Variants in SH2D3C observed in about 807,000 individuals in gnomAD.
The protein encoded by SH2D3C is SH2 domain-containing protein 3C.
SH2D3C carries 25 observed loss-of-function variants against 75.2 expected under a neutral mutation model. That is an observed-to-expected ratio of 0.33 (90% CI 0.24 to 0.46). SH2D3C has a LOEUF of 0.46. Among genes scored for constraint, SH2D3C ranks in the 20% least tolerant of loss-of-function variants. The probability of loss-of-function intolerance (pLI) is 1.00; values close to 1 mark genes in which losing one functional copy is unlikely to be tolerated. For missense variants in SH2D3C, 933 were observed against 1,165.3 expected (o/e 0.80, Z 2.90); for synonymous variants, 450 against 473.7 (o/e 0.95, Z 0.65).
chr9:127,758,371 A>G (rs1284200130), intron 3 of SH2D3C, among the ~76,000 whole-genome samples: 1 of 147,556 alleles, frequency 6.8e-6, no homozygotes, highest in African/African-American at 2.7e-5. Flanking sequence ...TTTATTTTAC[A>G]ATGTTAAAAA....
Position 127,749,500 on chromosome 9 carries a change from G to C in SH2D3C, c.850C>G (p.Leu284Val). The C allele has an allele frequency of 6.2e-7, 1 of 1,614,214 alleles. No individual in the cohort carries two copies. Among genetic ancestry groups the C allele is most frequent in the South Asian group, 1.1e-5 (1 of 91,088 alleles). ...AGESYTHIQYLFEQESFDHVP... is the reference protein window; with the variant it reads ...AGESYTHIQYVFEQESFDHVP... ...TGGTCAAAGCTCTCCTGCTCAAACA[G>C]GTACTGGATGTGTGTGTAGCTCTCG... The change falls in exon 5 of 12, where the codon CTG (leucine) becomes GTG (valine). Residue 284 changes from leucine (L) to valine (V), a missense_variant. By Grantham distance (32) the Leu-to-Val change is conservative (BLOSUM62 1). Transcript: ENST00000314830. This position sits in a 1 kb window ranked among gnomAD's most constrained non-coding sequence, Gnocchi z 5.9.
chr9:127,746,022 G>A (rs1048668567), intron 6 of SH2D3C, among the ~76,000 whole-genome samples: 9 of 152,196 alleles, frequency 5.9e-5, no homozygotes, highest in African/African-American at 1.9e-4. Flanking sequence ...GTGAAGCTCA[G>A]AGAGGTGCAC....
Position 127,751,964 on chromosome 9 carries a change from C to T in SH2D3C, c.556-664G>A, listed in dbSNP as rs770153312. The stretch of plus-strand genomic sequence containing the variant: ...GGACCCCAAACAGACATCTGCATTG[C>T]CCCTTACAATTTCCAAGGCCATTTC... On this transcript the variant is annotated intron_variant, in intron 3 of 11. Coordinates refer to ENST00000314830, the MANE Select transcript of SH2D3C (RefSeq NM_170600.3). This position sits in a 1 kb window ranked among gnomAD's most constrained non-coding sequence, Gnocchi z 4.1. Among the ~76,000 whole-genome samples, 8 of 152,190 alleles carry T rather than the reference C, an allele frequency of 5.3e-5. No homozygotes were observed. The highest frequency in any genetic ancestry group is 2.0e-4 in the Admixed American group (3 of 15,280).
chr9:127,738,841 T>G lies in SH2D3C; in HGVS notation c.2488A>C (p.Ser830Arg). 1 of 1,603,712 alleles carries G rather than the reference T, an allele frequency of 6.2e-7. No homozygotes were observed. ...TCATAGCGCCGGGCCTGGCTGCTGC[T>G]GGCACCCTGACTGCCCCAGAGAAGG... Reference protein sequence around the residue: ...MRLLWGSQGASSSQARRYEKF... With the variant: ...MRLLWGSQGARSSQARRYEKF... Residue 830 changes from serine (S) to arginine (R), a missense_variant, in exon 12 of 12, where the codon AGC (serine) becomes CGC (arginine). By Grantham distance (110) the Ser-to-Arg change is moderately radical. Transcript: ENST00000314830. The surrounding 1 kb of genome is among the most constrained non-coding windows in gnomAD (Gnocchi z 5.0).
chr9:127,761,334 C>T lies in SH2D3C; in HGVS notation c.555+277G>A, dbSNP rs545867894. On this transcript the variant is annotated intron_variant, in intron 3 of 11. Transcript: ENST00000314830. ...CCTTTACATGGAGACACTGTTGGGG[C>T]CCCGTCCAGCTGGCAAGTGAGTGGG... 4.8e-4 allele frequency among the ~76,000 whole-genome samples: 73 copies of T among 152,286 alleles called. No homozygotes were observed. The South Asian group carries it at 5.2e-3, about 11-fold the overall frequency.
chr9:127,774,046 C>G lies in SH2D3C; in HGVS notation c.459G>C (p.Glu153Asp). Reference protein sequence around the residue: ...AVEVDPIRKPEVPTGDVEEER... With the variant: ...AVEVDPIRKPDVPTGDVEEER... ...CCTCTTCTACGTCTCCTGTGGGGACCTCAGGCTTTCTGATGGGGTCTACCT... is the reference window on the plus strand; with the variant it reads ...CCTCTTCTACGTCTCCTGTGGGGACGTCAGGCTTTCTGATGGGGTCTACCT... The change falls in exon 2 of 12, where the codon GAG becomes GAC. Residue 153 changes from glutamate to aspartate, a missense_variant. Coordinates refer to ENST00000314830, the MANE Select transcript of SH2D3C (RefSeq NM_170600.3). The surrounding 1 kb of genome is among the most constrained non-coding windows in gnomAD (Gnocchi z 4.3). 1.2e-6 allele frequency: 2 copies of G among 1,614,192 alleles called. No homozygotes were observed. The highest frequency in any genetic ancestry group is 1.7e-6 in the Non-Finnish European group (2 of 1,180,022).
chr9:127,740,494 A>G lies in SH2D3C; in HGVS notation c.2089-125T>C, dbSNP rs548295055. 3 of 636,196 alleles carry G rather than the reference A, an allele frequency of 4.7e-6. No homozygotes were observed. The Admixed American group carries it at 8.0e-5, about 17-fold the overall frequency. 39.4% of individuals were successfully genotyped at this position (636,196 alleles called of 1,614,324 possible). A position where few individuals can be genotyped will look rare whatever the true frequency, so the allele number is the denominator to read the frequency against. On this transcript the variant is annotated intron_variant, in intron 9 of 11. Transcript: ENST00000314830. ...TTATTATGGCCATCCTTCATGTACC[A>G]GGGACAGTGATGACTACTTTTCATG...
Position 127,739,848 on chromosome 9 carries a change from C to T in SH2D3C, c.2241G>A (p.Leu747=). Residue 747 remains leucine (L), a synonymous_variant, in exon 11 of 12, where the codon CTG becomes CTA. Transcript: ENST00000314830. This position sits in a 1 kb window ranked among gnomAD's most constrained non-coding sequence, Gnocchi z 4.3. ...CACACTCCAGCAGGGTGATGAGGGG[C>T]AGCACATGAGGAAACGTGGTGTTGC... The part of the protein sequence containing the change: ...PLSNTTFPHV[L]PLITLLECDS... The T allele has an allele frequency of 6.4e-7, 1 of 1,569,024 alleles. No individual in the cohort carries two copies. Among genetic ancestry groups the T allele is most frequent in the Non-Finnish European group, 8.7e-7 (1 of 1,155,204 alleles).
intron 4 of SH2D3C, among the ~76,000 whole-genome samples, chr9:127,750,158 G>GTTATTA (rs563771370): frequency 0.012 from 1,815 of 148,702 alleles, 22 homozygotes; most frequent in East Asian, 0.052. Context: ...TATTATTATT[G>GTTATTA]TTATTATTAT....
At chr9:127,742,671 G>A in intron 8 of SH2D3C, 178 bp downstream of exon 8, 1 of 552,962 alleles carries the variant, frequency 1.8e-6, no homozygotes, top group East Asian at 3.0e-5. Context: ...CAGTCTTTGG[G>A]AAATCAGCCT....
Position 127,745,118 on chromosome 9 carries a change from A to G in SH2D3C, c.1265-19T>C. 1 of 1,479,322 alleles carries G rather than the reference A, an allele frequency of 6.8e-7. No individual in the cohort carries two copies. Among genetic ancestry groups the G allele is most frequent in the Non-Finnish European group, 8.9e-7 (1 of 1,118,834 alleles). The allele number at this position is 1,479,322 out of a possible 1,614,324, so 91.6% of individuals were successfully genotyped here. ...CGGGTTACTGCAGAAAGGTAGAGAG[A>G]GAGGCCCCGTTATAGCAGCTCCCCA... On this transcript the variant is annotated intron_variant, in intron 6 of 11. Transcript: ENST00000314830.
At chr9:127,773,153 T>G (rs1172835630) in intron 2 of SH2D3C, among the ~76,000 whole-genome samples, 1 of 152,194 alleles carries the variant, frequency 6.6e-6, no homozygotes, top group Non-Finnish European at 1.5e-5. Context: ...AGATACTTGT[T>G]TTGATACCCA....
Position 127,751,619 on chromosome 9 carries a change from G to A in SH2D3C, c.556-319C>T, listed in dbSNP as rs1196114498. 6.6e-6 allele frequency among the ~76,000 whole-genome samples: 1 copy of A among 152,246 alleles called. No homozygotes were observed. Among genetic ancestry groups the A allele is most frequent in the African/African-American group, 2.4e-5 (1 of 41,464 alleles). ...CAACAGGAGCCTCTGAGTAGAGTGC[G>A]GTCAGCACCACAGCGCTGGACAGCG... On this transcript the variant is annotated intron_variant, in intron 3 of 11. Transcript: ENST00000314830. The surrounding 1 kb of genome is among the most constrained non-coding windows in gnomAD (Gnocchi z 4.1).
chr9:127,762,397 G>A, intron 2 of SH2D3C: 2 of 1,091,240 alleles, frequency 1.8e-6, no homozygotes, highest in Admixed American at 2.3e-5. Context: ...ACTACCTCCT[G>A]GACGCCTCCC....
At chr9:127,767,243 C>A (rs1845652584) in intron 2 of SH2D3C, 8 of 1,471,906 alleles carry the variant, frequency 5.4e-6, no homozygotes, top group Non-Finnish European at 4.5e-6. Context: ...GATGCTGGGC[C>A]CTGACAGCTG....
At chr9:127,745,625 CA>C (rs1179990210) in intron 6 of SH2D3C, among the ~76,000 whole-genome samples, 1 of 151,792 alleles carries the variant, frequency 6.6e-6, no homozygotes, top group African/African-American at 2.4e-5. Context: ...TCATGTGCCA[CA>C]ACGCCTGGCT....
At chr9:127,747,633 G>A (rs1053349196) in intron 5 of SH2D3C, among the ~76,000 whole-genome samples, 1 of 151,368 alleles carries the variant, frequency 6.6e-6, no homozygotes, top group Non-Finnish European at 1.5e-5. Flanking sequence ...CCTGCCTCCC[G>A]AGTTCAAGAC....
Position 127,747,182 on chromosome 9 carries a change from A to G in SH2D3C, c.1229T>C (p.Ile410Thr), listed in dbSNP as rs1168815688. 3.7e-6 allele frequency: 6 copies of G among 1,613,904 alleles called. No individual in the cohort carries two copies. Among genetic ancestry groups the G allele is most frequent in the Non-Finnish European group, 5.1e-6 (6 of 1,180,018 alleles). ...IPDLHSPMSP[I>T]SESPSSPAYS... ...GGCAGGGGAGCTAGGGCTCTCGGAG[A>G]TGGGCGACATGGGTGAGTGCAGGTC... Residue 410 changes from isoleucine to threonine, a missense_variant, in exon 6 of 12, where the codon ATC becomes ACC. Ile to Thr is a moderately conservative substitution (Grantham distance 89). Coordinates refer to ENST00000314830, the MANE Select transcript of SH2D3C (RefSeq NM_170600.3).
At chr9:127,771,218 C>A in intron 2 of SH2D3C, 1 of 1,546,902 alleles carries the variant, frequency 6.5e-7, no homozygotes, top group Non-Finnish European at 8.7e-7. Context: ...ACCTTCGGCC[C>A]ACAGCAGTCA....
Sources: gnomAD v4.1 joint callset for allele counts (sites outside exome capture counted in the v4.1 genomes callset) on GRCh38, gnomAD v4.1.1 for gene constraint, Gnocchi (gnomAD v3.1) non-coding constraint, MANE v1.5 for transcripts, NCBI Gene and HGNC (gene_info 2026-07-23, HGNC 2026-07-21) for gene names.